The following ANKS1B variants were observed in gnomAD, a reference collection of about 807,000 sequenced individuals.
ANKS1B encodes ankyrin repeat and sterile alpha motif domain-containing protein 1B.
Under a neutral mutation model 148.3 loss-of-function variants are expected in ANKS1B, and 36 were observed. The ratio of observed to expected loss-of-function variants is 0.24; its 90% CI spans 0.19 to 0.32. The LOEUF is 0.32. ANKS1B is among the 10% of genes least tolerant of loss of function. The pLI, the probability that ANKS1B is intolerant of heterozygous loss-of-function variation, is 1.00. For missense variants in ANKS1B, 1,157 were observed against 1,542.6 expected (o/e 0.75, Z 4.19); for synonymous variants, 542 against 560.8 (o/e 0.97, Z 0.47).
chr12:98,848,054 C>T (rs750462259), intron 17 of ANKS1B, among the ~76,000 whole-genome samples: 1 of 152,270 alleles, frequency 6.6e-6, no homozygotes. Context: ...TAGAGCAATG[C>T]TTTCTAAGAA....
intron 1 of ANKS1B, among the ~76,000 whole-genome samples, chr12:99,963,058 C>A (rs936765468): frequency 2.5e-4 from 38 of 152,118 alleles, no homozygotes; most frequent in Admixed American, 3.9e-4. Context: ...CGTGATGCAC[C>A]CACCTCGGCC....
intron 25 of ANKS1B, among the ~76,000 whole-genome samples, chr12:98,762,480 G>A (rs950475686): frequency 6.6e-6 from 1 of 152,184 alleles, no homozygotes; most frequent in Non-Finnish European, 1.5e-5. Flanking sequence ...CCACCAACGG[G>A]CTGCCCTTCA....
Position 99,053,278 on chromosome 12 carries a change from G to C in ANKS1B, c.2657C>G (p.Pro886Arg). 6.2e-7 allele frequency: 1 copy of C among 1,610,596 alleles called. No individual in the cohort carries two copies. Among genetic ancestry groups the C allele is most frequent in the Non-Finnish European group, 8.5e-7 (1 of 1,178,510 alleles). ...MRPIGHDGYH[P>R]TSVAEWLDSI... is the part of the protein sequence containing the mutation. The stretch of plus-strand genomic sequence containing the variant: ...ATCCAGCCACTCAGCTACAGAGGTG[G>C]GATGGTAGCCATCATGCCCAATGGG... Residue 886 changes from proline (P) to arginine (R), a missense_variant, in exon 17 of 27, where the codon CCC becomes CGC. Coordinates refer to ENST00000683438, the MANE Select transcript of ANKS1B (RefSeq NM_001352186.2).
At chr12:99,370,423 C>T (rs2093064630) in intron 12 of ANKS1B, among the ~76,000 whole-genome samples, 1 of 152,012 alleles carries the variant, frequency 6.6e-6, no homozygotes, top group Non-Finnish European at 1.5e-5. Context: ...AGGATTTAGG[C>T]TGAGTTTTAG....
Position 99,984,836 on chromosome 12 carries a change from C to T in ANKS1B, c.-599G>A, listed in dbSNP as rs2095754771. On this transcript the variant is annotated 5_prime_UTR_variant, in exon 1 of 27. Coordinates refer to ENST00000683438, the MANE Select transcript of ANKS1B (RefSeq NM_001352186.2). ...GGCGGTGGGGGGCAGCCGCAGCGGGCGCGTGCCGAGGGCGGCGGCGGCGGC... is the reference window on the plus strand; with the variant it reads ...GGCGGTGGGGGGCAGCCGCAGCGGGTGCGTGCCGAGGGCGGCGGCGGCGGC... Among the ~76,000 whole-genome samples the T allele has an allele frequency of 6.9e-6, 1 of 145,800 alleles. No homozygotes were observed. Among genetic ancestry groups the T allele is most frequent in the Non-Finnish European group, 1.5e-5 (1 of 65,706 alleles).
intron 16 of ANKS1B, among the ~76,000 whole-genome samples, chr12:99,071,330 T>G (rs535661633): frequency 6.6e-6 from 1 of 152,230 alleles, no homozygotes; most frequent in African/African-American, 2.4e-5. Flanking sequence ...AAATAAGAAA[T>G]ATAGCCAAAT....
chr12:98,912,535 C>T (rs932588616), intron 17 of ANKS1B, among the ~76,000 whole-genome samples: 10 of 152,316 alleles, frequency 6.6e-5, no homozygotes, highest in Admixed American at 6.5e-4. Context: ...TATCACACCA[C>T]GTGTCTTGTT....
chr12:99,425,135 C>T (rs1201396964), intron 11 of ANKS1B, among the ~76,000 whole-genome samples: 9 of 151,886 alleles, frequency 5.9e-5, no homozygotes, highest in African/African-American at 1.4e-4. Context: ...CAATTTAATT[C>T]GGCTAAAGTT....
chr12:98,742,057 C>CT (rs143155203), downstream of ANKS1B, among the ~76,000 whole-genome samples: 5,975 of 152,312 alleles, frequency 0.039, 179 homozygotes, highest in African/African-American at 0.081. Context: ...ATCTCTTGCT[C>CT]TTACTGTGGT....
chr12:98,903,308 G>C (rs1251504613), intron 17 of ANKS1B, among the ~76,000 whole-genome samples: 1 of 152,010 alleles, frequency 6.6e-6, no homozygotes, highest in Non-Finnish European at 1.5e-5. Context: ...TGAAATCCTA[G>C]ATAATCAACC....
At chr12:99,617,999 A>G (rs1401803999) in intron 9 of ANKS1B, among the ~76,000 whole-genome samples, 1 of 152,144 alleles carries the variant, frequency 6.6e-6, no homozygotes, top group Non-Finnish European at 1.5e-5. Flanking sequence ...ACAAAGTCCA[A>G]TACAATTTAG....
intron 15 of ANKS1B, among the ~76,000 whole-genome samples, chr12:99,120,905 G>A (rs1454568417): frequency 1.3e-5 from 2 of 152,084 alleles, no homozygotes; most frequent in Non-Finnish European, 2.9e-5. Flanking sequence ...CATTGCTCCT[G>A]GACATTGCAT....
chr12:99,545,178 C>A (rs1230310023), intron 9 of ANKS1B, among the ~76,000 whole-genome samples: 1 of 152,164 alleles, frequency 6.6e-6, no homozygotes, highest in African/African-American at 2.4e-5. Flanking sequence ...TGAGGGAGCT[C>A]TATTTCTATG....
chr12:99,047,283 C>G (rs775131764), intron 17 of ANKS1B, among the ~76,000 whole-genome samples: 13 of 151,998 alleles, frequency 8.6e-5, no homozygotes, highest in Non-Finnish European at 1.6e-4. Context: ...GCCTGCAGTC[C>G]CAGCTACTTG....
intron 12 of ANKS1B, among the ~76,000 whole-genome samples, chr12:99,321,278 G>A (rs2085213515): frequency 6.6e-6 from 1 of 152,208 alleles, no homozygotes; most frequent in Non-Finnish European, 1.5e-5. Flanking sequence ...GCTGCCTTTT[G>A]TTCAGCTATG....
At chr12:99,965,465 T>C (rs573681502) in intron 1 of ANKS1B, among the ~76,000 whole-genome samples, 15 of 152,216 alleles carry the variant, frequency 9.9e-5, no homozygotes, top group South Asian at 2.1e-4. Context: ...AAAATAGTTA[T>C]TAAAGGGGGA....
At chr12:99,794,704 T>G (rs1483994246) in intron 4 of ANKS1B, among the ~76,000 whole-genome samples, 1 of 151,444 alleles carries the variant, frequency 6.6e-6, no homozygotes, top group Non-Finnish European at 1.5e-5. Flanking sequence ...GGAAGGGTAG[T>G]GGGGGCACAG....
intron 8 of ANKS1B, among the ~76,000 whole-genome samples, chr12:99,666,138 T>A (rs1486498846): frequency 6.6e-6 from 1 of 152,232 alleles, no homozygotes; most frequent in African/African-American, 2.4e-5. Flanking sequence ...GTGTATGGGT[T>A]TATTTCTGAA....
intron 15 of ANKS1B, among the ~76,000 whole-genome samples, chr12:99,127,169 A>G (rs1180078733): frequency 6.6e-6 from 1 of 152,174 alleles, no homozygotes; most frequent in Admixed American, 6.5e-5. Flanking sequence ...TAATTTGCCT[A>G]TAAAATATCA....
Sources: gnomAD v4.1 joint callset for allele counts (sites outside exome capture counted in the v4.1 genomes callset) on GRCh38, gnomAD v4.1.1 for gene constraint, MANE v1.5 for transcripts, NCBI Gene and HGNC (gene_info 2026-07-23, HGNC 2026-07-21) for gene names.